The following KHDRBS3 variants were observed in gnomAD, a reference collection of about 807,000 sequenced individuals.
KHDRBS3 encodes KH RNA binding domain containing, signal transduction associated 3.
In KHDRBS3, 23 loss-of-function variants were observed where a neutral mutation model predicts 45.6. The ratio of observed to expected loss-of-function variants is 0.50; its 90% CI spans 0.36 to 0.72. The LOEUF (loss-of-function observed/expected upper bound fraction) is 0.72. Ranked by LOEUF, KHDRBS3 falls within the 30% of genes least tolerant of loss-of-function variation. KHDRBS3 has a pLI of 0.00. For missense variants in KHDRBS3, 352 were observed against 424.8 expected, an observed-to-expected ratio of 0.83 and a Z score of 1.51; for synonymous variants, 162 against 156.5, an observed-to-expected ratio of 1.04 and a Z score of -0.26.
At chr8:135,646,935 A>G (rs1831314073) in intron 8 of KHDRBS3, 58 bp from the exon 9 acceptor site, 1 of 938,814 alleles carries the variant, frequency 1.1e-6, no homozygotes. Context: ...AGTCTGAAAA[A>G]TGAAGCCTGT....
At chr8:135,573,835 G>A (rs185832609) in intron 5 of KHDRBS3, among the ~76,000 whole-genome samples, 8 of 152,006 alleles carry the variant, frequency 5.3e-5, no homozygotes, top group South Asian at 2.1e-4. Context: ...ACCAGAAACC[G>A]TGTCACCCTG....
At chr8:135,486,819 A>G (rs1167475723) in intron 1 of KHDRBS3, among the ~76,000 whole-genome samples, 1 of 152,224 alleles carries the variant, frequency 6.6e-6, no homozygotes, top group Non-Finnish European at 1.5e-5. Flanking sequence ...GTGGAGAAAT[A>G]TTGTTATCAG....
chr8:135,563,595 C>A (rs1827268712), intron 5 of KHDRBS3, among the ~76,000 whole-genome samples: 1 of 152,202 alleles, frequency 6.6e-6, no homozygotes, highest in African/African-American at 2.4e-5. Context: ...TCCCTCGTAC[C>A]TTGCATATAG....
At chr8:135,528,917 C>A (rs565483172) in intron 2 of KHDRBS3, among the ~76,000 whole-genome samples, 18 of 152,308 alleles carry the variant, frequency 1.2e-4, no homozygotes, top group African/African-American at 4.1e-4. Flanking sequence ...TAATTACCCC[C>A]ACAGTGGCCA....
intron 1 of KHDRBS3, chr8:135,458,276 C>G: frequency 2.2e-6 from 2 of 912,184 alleles, no homozygotes; most frequent in African/African-American, 1.8e-5. Context: ...TCGTTGGGAA[C>G]GAGGTTGAAT....
intron 2 of KHDRBS3, among the ~76,000 whole-genome samples, chr8:135,525,419 C>T (rs1381662507): frequency 6.6e-6 from 1 of 152,158 alleles, no homozygotes; most frequent in Non-Finnish European, 1.5e-5. Context: ...CAGTCTCTGC[C>T]ACTAAAGCCA....
At chr8:135,601,992 AC>A (rs1829236907) in intron 6 of KHDRBS3, among the ~76,000 whole-genome samples, 1 of 152,150 alleles carries the variant, frequency 6.6e-6, no homozygotes, top group Non-Finnish European at 1.5e-5. Context: ...CGCTCAGATC[AC>A]CCAGTCCTCA....
In KHDRBS3 at chr8:135,578,659, T is replaced by G. The variant is rs553031770; in HGVS notation, c.612-3219T>G. On this transcript the variant is annotated intron_variant, in intron 5 of 8. Transcript: ENST00000355849. The stretch of plus-strand genomic sequence containing the variant: ...TTGAAATTATATATTATGAGTCTTC[T>G]AACATTGTTTTTCTTGTCAGTATTG... Among the ~76,000 whole-genome samples, 170 of 152,306 alleles carry G rather than the reference T, an allele frequency of 1.1e-3. 7 individuals are homozygous for G. The South Asian group carries it at 0.034, about 30-fold the overall frequency.
At chr8:135,492,337 T>C (rs1823196467) in intron 1 of KHDRBS3, among the ~76,000 whole-genome samples, 1 of 152,076 alleles carries the variant, frequency 6.6e-6, no homozygotes, top group African/African-American at 2.4e-5. Flanking sequence ...TGACAGTAAT[T>C]CAAATACTTG....
At chr8:135,458,941 C>T (rs1163434225) in intron 1 of KHDRBS3, 1 of 456,142 alleles carries the variant, frequency 2.2e-6, no homozygotes, top group Admixed American at 2.3e-5. Flanking sequence ...TGGGAGCAGT[C>T]TCCTACTTTT....
At chr8:135,635,182 C>A (rs939337403) in intron 7 of KHDRBS3, among the ~76,000 whole-genome samples, 1 of 152,072 alleles carries the variant, frequency 6.6e-6, no homozygotes, top group African/African-American at 2.4e-5. Context: ...TATGAAAAAT[C>A]TCTATTTTCT....
At chr8:135,590,089 T>C (rs1828678657) in intron 6 of KHDRBS3, among the ~76,000 whole-genome samples, 1 of 152,174 alleles carries the variant, frequency 6.6e-6, no homozygotes, top group Non-Finnish European at 1.5e-5. Flanking sequence ...CCATAGAGTG[T>C]TCTTAGACAA....
intron 6 of KHDRBS3, among the ~76,000 whole-genome samples, chr8:135,597,589 T>C (rs1222282809): frequency 4.6e-5 from 7 of 152,082 alleles, no homozygotes; most frequent in Admixed American, 3.9e-4. Context: ...ATATACCATA[T>C]ATTTTGCTTG....
intron 3 of KHDRBS3, among the ~76,000 whole-genome samples, chr8:135,548,205 A>G (rs932938472): frequency 2.0e-5 from 3 of 152,218 alleles, no homozygotes; most frequent in Non-Finnish European, 4.4e-5. Context: ...TTCTCTAGAC[A>G]TGGAAAATGC....
intron 7 of KHDRBS3, among the ~76,000 whole-genome samples, chr8:135,617,915 G>T (rs1255597618): frequency 1.3e-5 from 2 of 152,156 alleles, no homozygotes; most frequent in South Asian, 2.1e-4. Context: ...CCTAAAATGT[G>T]TCAGAAGCAC....
At chr8:135,625,427 G>A (rs1361642980) in intron 7 of KHDRBS3, 17 of 769,834 alleles carry the variant, frequency 2.2e-5, no homozygotes, top group South Asian at 1.3e-4. Context: ...TGCCCATTGC[G>A]CACACCAGGG....
intron 7 of KHDRBS3, among the ~76,000 whole-genome samples, chr8:135,633,770 G>T (rs1443704383): frequency 1.3e-5 from 2 of 152,172 alleles, no homozygotes; most frequent in Non-Finnish European, 2.9e-5. Flanking sequence ...GGAAGGCACA[G>T]ATTTCCCACA....
At chr8:135,484,341 A>G (rs1309334420) in intron 1 of KHDRBS3, among the ~76,000 whole-genome samples, 1 of 152,210 alleles carries the variant, frequency 6.6e-6, no homozygotes, top group Non-Finnish European at 1.5e-5. Context: ...CCTAAGAGTT[A>G]AACAGGAACC....
chr8:135,612,006 C>A (rs1415971915), intron 7 of KHDRBS3, among the ~76,000 whole-genome samples: 1 of 151,788 alleles, frequency 6.6e-6, no homozygotes, highest in Non-Finnish European at 1.5e-5. Context: ...ATTTCATCTA[C>A]TTTACATAAA....
Sources: allele counts gnomAD v4.1 joint callset (sites outside exome capture counted in the v4.1 genomes callset), GRCh38; gene constraint gnomAD v4.1.1; transcripts MANE v1.5; gene names NCBI Gene and HGNC (gene_info 2026-07-23, HGNC 2026-07-21).